Variants in CUX1 observed in about 807,000 individuals in gnomAD.
CUX1 encodes the protein protein CASP.
A neutral mutation model predicts 158.8 loss-of-function variants in CUX1; 31 were observed. The observed-to-expected ratio is 0.20, with a 90% CI of 0.15 to 0.26. The LOEUF (loss-of-function observed/expected upper bound fraction) is 0.26. CUX1 is among the 10% of genes least tolerant of loss of function. The probability of loss-of-function intolerance (pLI) is 1.00; values close to 1 mark genes in which losing one functional copy is unlikely to be tolerated. For missense variants in CUX1, 1,589 were observed against 2,014.6 expected, an observed-to-expected ratio of 0.79 and a Z score of 4.04; for synonymous variants, 879 against 862.1, an observed-to-expected ratio of 1.02 and a Z score of -0.34.
chr7:101,995,951 A>G (rs371807607), intron 2 of CUX1, among the ~76,000 whole-genome samples: 1 of 152,098 alleles, frequency 6.6e-6, no homozygotes, highest in Non-Finnish European at 1.5e-5. Context: ...CATCTCTCCT[A>G]AAAATACAAA....
At chr7:102,125,138 CTG>C (rs1428730386) in intron 8 of CUX1, among the ~76,000 whole-genome samples, 1 of 152,154 alleles carries the variant, frequency 6.6e-6, no homozygotes, top group Non-Finnish European at 1.5e-5. Context: ...ATCCCACACT[CTG>C]TACACCACAG....
intron 4 of CUX1, among the ~76,000 whole-genome samples, 162 bp downstream of exon 4, chr7:102,070,579 C>T (rs73405992): frequency 0.02 from 3,027 of 152,272 alleles, 100 homozygotes; most frequent in African/African-American, 0.07. Context: ...GAATTCTTCA[C>T]AACCCAGACT....
intron 4 of CUX1, among the ~76,000 whole-genome samples, chr7:102,079,981 G>T (rs782497746): frequency 5.3e-5 from 8 of 152,082 alleles, no homozygotes; most frequent in Non-Finnish European, 1.0e-4. Flanking sequence ...ACCTTCCTCG[G>T]CCAGGTTCAT....
intron 2 of CUX1, among the ~76,000 whole-genome samples, chr7:101,982,588 G>A (rs889932492): frequency 5.9e-5 from 9 of 151,822 alleles, no homozygotes; most frequent in African/African-American, 1.9e-4. Context: ...CACCATGCCC[G>A]GCTAATTTTT....
At chr7:101,862,075 T>C (rs556546179) in intron 1 of CUX1, among the ~76,000 whole-genome samples, 1 of 152,294 alleles carries the variant, frequency 6.6e-6, no homozygotes, top group African/African-American at 2.4e-5. Flanking sequence ...CCTCATATGA[T>C]TCGCCCACCT....
At chr7:102,185,712 T>A (rs1299367704) in intron 11 of CUX1, among the ~76,000 whole-genome samples, 1 of 151,972 alleles carries the variant, frequency 6.6e-6, no homozygotes, top group Non-Finnish European at 1.5e-5. Flanking sequence ...TTGAGTCTTA[T>A]CTAGGTTCAC....
chr7:102,196,096 G>T (rs1554518216), intron 14 of CUX1, among the ~76,000 whole-genome samples: 1 of 152,214 alleles, frequency 6.6e-6, no homozygotes, highest in Non-Finnish European at 1.5e-5. Flanking sequence ...GGCGTCACTT[G>T]ACTGTGCTTC....
chr7:101,988,624 A>T (rs188148982), intron 2 of CUX1, among the ~76,000 whole-genome samples: 1 of 151,860 alleles, frequency 6.6e-6, no homozygotes, highest in East Asian at 1.9e-4. Context: ...GTCCTCAGGG[A>T]TCTTCCAGCT....
chr7:101,949,985 AC>A (rs1315339016), intron 2 of CUX1, among the ~76,000 whole-genome samples: 3 of 151,770 alleles, frequency 2.0e-5, no homozygotes, highest in African/African-American at 7.3e-5. Flanking sequence ...ATTGCTCATT[AC>A]CCCACAGGAT....
At chr7:102,216,516 A>ACT (rs1797064822) in intron 20 of CUX1, among the ~76,000 whole-genome samples, 1 of 77,768 alleles carries the variant, frequency 1.3e-5, no homozygotes, top group Non-Finnish European at 2.6e-5. Context: ...GTGTGCGCGC[A>ACT]CACACACACT....
intron 14 of CUX1, among the ~76,000 whole-genome samples, chr7:102,196,215 G>C (rs1554518264): frequency 6.6e-6 from 1 of 152,198 alleles, no homozygotes. Flanking sequence ...ACGGTGCATC[G>C]CCTCAGAGCA....
intron 1 of CUX1, among the ~76,000 whole-genome samples, chr7:101,894,079 G>A (rs1366218084): frequency 1.3e-5 from 2 of 152,206 alleles, no homozygotes; most frequent in South Asian, 2.1e-4. Flanking sequence ...GTCTGGGCCC[G>A]CATCTTGGCT....
intron 2 of CUX1, among the ~76,000 whole-genome samples, chr7:101,975,359 A>G (rs958246610): frequency 3.9e-5 from 6 of 152,146 alleles, no homozygotes; most frequent in Non-Finnish European, 4.4e-5. Context: ...CCTGGGCAAC[A>G]TAGTGAGACC....
At chr7:102,282,245 G>C (rs1792132011) in intron 21 of CUX1, among the ~76,000 whole-genome samples, 1 of 152,166 alleles carries the variant, frequency 6.6e-6, no homozygotes, top group African/African-American at 2.4e-5. Flanking sequence ...ACTCCACCAA[G>C]GGACAGTCAC....
At chr7:102,028,206 T>C in intron 3 of CUX1, 61 bp downstream of exon 3, 6 of 1,560,190 alleles carry the variant, frequency 3.8e-6, no homozygotes, top group Non-Finnish European at 5.3e-6. Flanking sequence ...GGTCTTTTTA[T>C]TCACATTAAA....
chr7:102,022,953 G>A (rs1485209602), intron 2 of CUX1, among the ~76,000 whole-genome samples: 1 of 152,166 alleles, frequency 6.6e-6, no homozygotes, highest in Non-Finnish European at 1.5e-5. Context: ...AGTGGCTCAA[G>A]CCTGTAATCC....
In CUX1 at chr7:102,090,263, T is replaced by G. The variant is rs945819445; in HGVS notation, c.269-7101T>G. ...TTATCCAAAATGCTTGGAATCAGAG[T>G]GTTTTGGATTTGGGATTTTTGAATT... is the stretch of plus-strand genomic sequence containing the variant. On this transcript the variant is annotated intron_variant, in intron 4 of 23. Transcript: ENST00000292535. Among the ~76,000 whole-genome samples, 4 of 152,148 alleles carry G rather than the reference T, an allele frequency of 2.6e-5. No individual in the cohort carries two copies. In the East Asian group the frequency reaches 7.7e-4, roughly 29 times the overall value.
intron 8 of CUX1, among the ~76,000 whole-genome samples, chr7:102,122,726 T>G (rs1554493852): frequency 6.6e-6 from 1 of 152,196 alleles, no homozygotes; most frequent in Non-Finnish European, 1.5e-5. Flanking sequence ...GTAATTGACA[T>G]GTAATAGACA....
chr7:102,056,714 G>C (rs1364722975), intron 3 of CUX1, among the ~76,000 whole-genome samples: 1 of 151,906 alleles, frequency 6.6e-6, no homozygotes, highest in Non-Finnish European at 1.5e-5. Flanking sequence ...GGGATTACAG[G>C]CTCCCACCAC....
Sources: allele counts gnomAD v4.1 joint callset (sites outside exome capture counted in the v4.1 genomes callset), GRCh38; gene constraint gnomAD v4.1.1; transcripts MANE v1.5; gene names NCBI Gene and HGNC (gene_info 2026-07-23, HGNC 2026-07-21).